Variants in TYW1 observed in about 807,000 individuals in gnomAD.
The protein encoded by TYW1 is tRNA-yW synthesizing protein 1 homolog, also known as S-adenosyl-L-methionine-dependent tRNA 4-demethylwyosine synthase TYW1.
In TYW1, 46 loss-of-function variants were observed where a neutral mutation model predicts 96.2. The ratio of observed to expected loss-of-function variants is 0.48; its 90% CI spans 0.38 to 0.61. TYW1 has a LOEUF of 0.61. Ranked by LOEUF, TYW1 falls within the 20% of genes least tolerant of loss-of-function variation. The pLI, the probability that TYW1 is intolerant of heterozygous loss-of-function variation, is 0.00. For missense variants in TYW1, 684 were observed against 909.6 expected (o/e 0.75, Z 3.19); for synonymous variants, 274 against 323.0 (o/e 0.85, Z 1.63).
chr7:67,126,598 T>C (rs1471546404), intron 13 of TYW1, among the ~76,000 whole-genome samples: 1 of 152,224 alleles, frequency 6.6e-6, no homozygotes, highest in East Asian at 1.9e-4. Flanking sequence ...CAGTTTTGCC[T>C]TTTACATTTA....
chr7:67,236,988 C>T (rs1485112526), intron 15 of TYW1, among the ~76,000 whole-genome samples: 18 of 152,212 alleles, frequency 1.2e-4, no homozygotes, highest in Non-Finnish European at 2.2e-4. Context: ...CAGGTTCAAG[C>T]GATTCTCCTG....
chr7:67,131,238 C>T (rs1214595990), intron 13 of TYW1, among the ~76,000 whole-genome samples: 1 of 151,836 alleles, frequency 6.6e-6, no homozygotes, highest in Non-Finnish European at 1.5e-5. Context: ...AATAACAGTG[C>T]CTACCTTATA....
intron 13 of TYW1, among the ~76,000 whole-genome samples, chr7:67,134,057 T>C (rs889306633): frequency 2.6e-5 from 4 of 152,078 alleles, no homozygotes; most frequent in Non-Finnish European, 5.9e-5. Flanking sequence ...TTGGTTTTTA[T>C]TCCTTTCAAC....
chr7:67,235,893 C>CAAAAAA (rs548873963), intron 15 of TYW1, among the ~76,000 whole-genome samples: 15 of 69,528 alleles, frequency 2.2e-4, no homozygotes, highest in African/African-American at 4.0e-4. Context: ...GACTCTGTCT[C>CAAAAAA]AAAAAAAAAA....
At chr7:67,029,420 T>TACATATATATATATAC (rs1178670060) in intron 7 of TYW1, among the ~76,000 whole-genome samples, 4 of 118,534 alleles carry the variant, frequency 3.4e-5, no homozygotes, top group African/African-American at 1.0e-4. Context: ...TGTGTGTATA[T>TACATATATATATATAC]ATATATATAT....
intron 10 of TYW1, among the ~76,000 whole-genome samples, chr7:67,082,877 T>C (rs1323537656): frequency 1.3e-5 from 2 of 152,044 alleles, no homozygotes; most frequent in African/African-American, 4.8e-5. Context: ...CTCAGGAATA[T>C]GGAGATACAG....
chr7:67,028,130 T>C (rs1218841798), intron 7 of TYW1, among the ~76,000 whole-genome samples: 1 of 151,032 alleles, frequency 6.6e-6, no homozygotes, highest in South Asian at 2.1e-4. Context: ...TCCCAGCTAC[T>C]TGGGAGGCTA....
intron 11 of TYW1, among the ~76,000 whole-genome samples, chr7:67,092,911 C>G (rs1796772576): frequency 6.6e-6 from 1 of 151,900 alleles, no homozygotes; most frequent in Non-Finnish European, 1.5e-5. Context: ...TCTCGAACCC[C>G]TAACCTCATG....
intron 15 of TYW1, among the ~76,000 whole-genome samples, chr7:67,197,326 CT>C (rs35406844): frequency 0.51 from 72,104 of 142,390 alleles, 17,933 homozygotes; most frequent in Middle Eastern, 0.57. Context: ...AGACCTCTGT[CT>C]TTTTTTTTTT....
At chr7:67,228,972 C>G (rs1377697069) in intron 15 of TYW1, among the ~76,000 whole-genome samples, 2 of 152,152 alleles carry the variant, frequency 1.3e-5, no homozygotes, top group African/African-American at 4.8e-5. Context: ...GGAACTAGTT[C>G]ATGTAATGGG....
intron 13 of TYW1, among the ~76,000 whole-genome samples, chr7:67,149,121 T>A (rs1798710189): frequency 6.6e-6 from 1 of 152,230 alleles, no homozygotes; most frequent in Non-Finnish European, 1.5e-5. Flanking sequence ...CCTCACCACT[T>A]GTTTAAAAAT....
chr7:67,056,499 A>C (rs1466108704), intron 9 of TYW1, among the ~76,000 whole-genome samples: 1 of 152,094 alleles, frequency 6.6e-6, no homozygotes, highest in African/African-American at 2.4e-5. Context: ...TCTCAAAAAA[A>C]AAAAAAAAAA....
intron 7 of TYW1, among the ~76,000 whole-genome samples, chr7:67,039,018 T>TA (rs1297533097): frequency 2.0e-5 from 3 of 152,132 alleles, no homozygotes; most frequent in East Asian, 3.8e-4. Flanking sequence ...TTTGAAAATC[T>TA]AAAAAAAATT....
intron 15 of TYW1, among the ~76,000 whole-genome samples, chr7:67,221,865 T>C: frequency 6.6e-6 from 1 of 151,846 alleles, no homozygotes; most frequent in Non-Finnish European, 1.5e-5. Context: ...ACTTGTCTTT[T>C]TTTTTTTTTT....
intron 3 of TYW1, among the ~76,000 whole-genome samples, chr7:66,999,799 G>T (rs529442827): frequency 6.6e-6 from 1 of 152,326 alleles, no homozygotes; most frequent in East Asian, 1.9e-4. Context: ...AACAGTGTCT[G>T]GCTGTAGTGC....
chr7:67,155,944 CTT>C (rs1367988371), intron 13 of TYW1, among the ~76,000 whole-genome samples: 32 of 151,272 alleles, frequency 2.1e-4, no homozygotes, highest in Non-Finnish European at 1.5e-5. Context: ...GCAGTGTAGT[CTT>C]TTTATGACTT....
Position 67,195,325 on chromosome 7 carries a change from A to G in TYW1, c.1965A>G (p.Ile655Met), listed in dbSNP as rs749817250. The G allele has an allele frequency of 2.5e-6, 4 of 1,613,584 alleles. No homozygotes were observed. In the East Asian group the frequency reaches 6.7e-5, roughly 27 times the overall value. Residue 655 changes from isoleucine (I) to methionine (M), a missense_variant, in exon 15 of 16, where the codon ATA becomes ATG. Ile to Met is a conservative substitution (Grantham distance 10, BLOSUM62 1). Coordinates refer to ENST00000359626, the MANE Select transcript of TYW1 (RefSeq NM_018264.4). ...CEHEHSNCLL[I>M]AHRKFKIGGE... ...ACGAACACTCTAATTGCCTCCTGATAGCACACAGAAAGGTAAGAATAACTC... is the reference window on the plus strand; with the variant it reads ...ACGAACACTCTAATTGCCTCCTGATGGCACACAGAAAGGTAAGAATAACTC...
At chr7:67,176,985 G>T (rs1306313980) in intron 13 of TYW1, among the ~76,000 whole-genome samples, 1 of 152,008 alleles carries the variant, frequency 6.6e-6, no homozygotes, top group African/African-American at 2.4e-5. Context: ...GTGCAGAATC[G>T]CTCCTGGTTG....
chr7:67,047,219 T>G (rs1173096104), intron 7 of TYW1, among the ~76,000 whole-genome samples: 1 of 152,190 alleles, frequency 6.6e-6, no homozygotes, highest in African/African-American at 2.4e-5. Context: ...TTCATTTTGC[T>G]TCACCACAAG....
Sources: allele counts gnomAD v4.1 joint callset (sites outside exome capture counted in the v4.1 genomes callset), GRCh38; gene constraint gnomAD v4.1.1; transcripts MANE v1.5; gene names NCBI Gene and HGNC (gene_info 2026-07-23, HGNC 2026-07-21).